The following CERS3 variants were observed in gnomAD, a reference collection of about 807,000 sequenced individuals.
CERS3 encodes LAG1 homolog, ceramide synthase 3.
In CERS3, 33 loss-of-function variants were observed where a neutral mutation model predicts 50.3. The observed-to-expected ratio is 0.66, with a 90% confidence interval of 0.50 to 0.88. CERS3 has a LOEUF of 0.88. Ranked by LOEUF, CERS3 falls within the 40% of genes least tolerant of loss-of-function variation. CERS3 has a pLI of 0.00. For synonymous variants in CERS3, 176 were observed against 155.2 expected, an observed-to-expected ratio of 1.13 and a Z score of -0.99; for missense variants, 470 against 460.3, an observed-to-expected ratio of 1.02 and a Z score of -0.19.
intron 3 of CERS3, among the ~76,000 whole-genome samples, chr15:100,495,134 G>A (rs572155790): frequency 6.6e-6 from 1 of 152,280 alleles, no homozygotes; most frequent in East Asian, 1.9e-4. Context: ...CCATCAGACA[G>A]GTCAGATAGT....
chr15:100,452,823 T>C (rs763592762), intron 11 of CERS3, among the ~76,000 whole-genome samples: 2 of 151,960 alleles, frequency 1.3e-5, no homozygotes, highest in African/African-American at 4.8e-5. Context: ...CACATTACAA[T>C]TGATACCACA....
chr15:100,494,542 CT>C (rs1391907756), intron 3 of CERS3, among the ~76,000 whole-genome samples: 2 of 152,038 alleles, frequency 1.3e-5, no homozygotes, highest in Non-Finnish European at 2.9e-5. Context: ...GCTTAGTCAC[CT>C]TTTTTGAATT....
upstream of CERS3, among the ~76,000 whole-genome samples, chr15:100,531,956 C>T (rs897495475): frequency 2.0e-5 from 3 of 152,036 alleles, no homozygotes; most frequent in Non-Finnish European, 4.4e-5. Flanking sequence ...CATTACAAAG[C>T]GGGTACCGGG....
intron 5 of CERS3, among the ~76,000 whole-genome samples, chr15:100,481,552 C>G (rs186483552): frequency 1.2e-3 from 181 of 152,358 alleles, no homozygotes; most frequent in African/African-American, 4.2e-3. Context: ...GTGTTTATTT[C>G]CCAAGCATCT....
At chr15:100,451,794 G>A (rs2034181510) in intron 11 of CERS3, among the ~76,000 whole-genome samples, 1 of 151,912 alleles carries the variant, frequency 6.6e-6, no homozygotes, top group East Asian at 1.9e-4. Flanking sequence ...AGATAATCCT[G>A]CAAATGGAAA....
intron 11 of CERS3, among the ~76,000 whole-genome samples, chr15:100,427,867 G>T (rs912411068): frequency 1.3e-5 from 2 of 152,182 alleles, no homozygotes; most frequent in African/African-American, 4.8e-5. Context: ...CCACCCCCAG[G>T]ATGGGAACAG....
chr15:100,540,208 T>C (rs1477658985), intron 1 of CERS3, among the ~76,000 whole-genome samples: 1 of 152,194 alleles, frequency 6.6e-6, no homozygotes, highest in East Asian at 1.9e-4. Context: ...TCCCTTGTTA[T>C]CCAAGTCCCA....
chr15:100,506,831 G>A (rs1278668490), intron 2 of CERS3, among the ~76,000 whole-genome samples: 6 of 152,160 alleles, frequency 3.9e-5, no homozygotes, highest in Non-Finnish European at 8.8e-5. Flanking sequence ...TTCTTTTTAA[G>A]GTGGTGAAAA....
rs575024326 is a variant in CERS3 at position 100,425,247 on chromosome 15, C to T, written c.1000-22382G>A. 2.5e-4 allele frequency among the ~76,000 whole-genome samples: 38 copies of T among 152,314 alleles called. 1 individual carries two copies. In the East Asian group the frequency reaches 7.0e-3, roughly 28 times the overall value. ...ACTGAGTGGAGCTGCGAGAAGAGGG[C>T]CACAGTCCCCCAGACCCCAAAATGG... On this transcript the variant is annotated intron_variant, in intron 11 of 11. Transcript: ENST00000679737.
chr15:100,483,781 A>ATTTTTTTTTTTTTTTTTTTT (rs1267906519), intron 5 of CERS3, among the ~76,000 whole-genome samples: 1 of 77,656 alleles, frequency 1.3e-5, no homozygotes, highest in African/African-American at 5.7e-5. Flanking sequence ...AATAATTATT[A>ATTTTTTTTTTTTTTTTTTTT]TTATTATTTT....
intron 2 of CERS3, chr15:100,503,583 G>C (rs957006355): frequency 9.7e-6 from 4 of 411,468 alleles, no homozygotes; most frequent in African/African-American, 8.2e-5. Flanking sequence ...CCCATAGGGT[G>C]TCTTTGTGCT....
intron 11 of CERS3, among the ~76,000 whole-genome samples, chr15:100,428,157 T>C (rs557467687): frequency 2.0e-5 from 3 of 152,232 alleles, no homozygotes; most frequent in Non-Finnish European, 2.9e-5. Flanking sequence ...AACTTTTCAA[T>C]GCAGTTGCCT....
chr15:100,404,174 GCTAA>G lies in CERS3; in HGVS notation c.1000-1313_1000-1310del, dbSNP rs144290902. 6.5e-3 allele frequency among the ~76,000 whole-genome samples: 987 copies of G among 152,288 alleles called. 11 individuals carry two copies. The highest frequency in any genetic ancestry group is 0.022 in the African/African-American group (928 of 41,546). On this transcript the variant is annotated intron_variant, in intron 11 of 11. Coordinates refer to ENST00000679737, the MANE Select transcript of CERS3 (RefSeq NM_001378789.1). ...GTGCTTCTGAAAAGAACACGACCCTGCTAACTGACACCTTGATTTTGGCTCAAAA... is the reference window on the plus strand; with the variant it reads ...GTGCTTCTGAAAAGAACACGACCCTGCTGACACCTTGATTTTGGCTCAAAA...
rs541225020 is a variant in CERS3, at chr15:100,490,630, A to G, written c.288+187T>C. On this transcript the variant is annotated intron_variant, in intron 4 of 11. Transcript: ENST00000679737. ...CTGTTAATATTTGTTATTTTATATTATCATATGTATCACACTTGGGATGTT... is the reference window on the plus strand; with the variant it reads ...CTGTTAATATTTGTTATTTTATATTGTCATATGTATCACACTTGGGATGTT... 1.6e-5 allele frequency: 8 copies of G among 511,534 alleles called. No individual in the cohort carries two copies. The South Asian group carries it at 2.3e-4, about 15-fold the overall frequency. 31.7% of individuals were successfully genotyped at this position (511,534 alleles called of 1,614,324 possible). A position where few individuals can be genotyped will look rare whatever the true frequency, so the allele number is the denominator to read the frequency against.
chr15:100,488,754 G>A (rs1331576954), intron 4 of CERS3, among the ~76,000 whole-genome samples: 1 of 150,662 alleles, frequency 6.6e-6, no homozygotes. Context: ...AATAGATGAA[G>A]CTAACACTTC....
chr15:100,520,861 AGCAT>A (rs1284385692), intron 2 of CERS3, among the ~76,000 whole-genome samples: 1 of 152,208 alleles, frequency 6.6e-6, no homozygotes, highest in Admixed American at 6.5e-5. Flanking sequence ...GGCATCCAGC[AGCAT>A]GAATATCCGG....
intron 1 of CERS3, among the ~76,000 whole-genome samples, chr15:100,535,349 T>C (rs1303776080): frequency 1.3e-5 from 2 of 152,236 alleles, no homozygotes; most frequent in South Asian, 2.1e-4. Flanking sequence ...CATTAACTCA[T>C]TCAGCCAGTA....
chr15:100,470,193 T>C (rs1340541361), intron 9 of CERS3, among the ~76,000 whole-genome samples: 2 of 151,182 alleles, frequency 1.3e-5, no homozygotes, highest in African/African-American at 4.9e-5. Context: ...GAATAGGGAG[T>C]GGGAGTCTGG....
rs2033265936 is a variant in CERS3 at position 100,433,901 on chromosome 15, T to A, written c.999+21992A>T. Among the ~76,000 whole-genome samples the A allele has an allele frequency of 2.0e-5, 3 of 152,260 alleles. No individual in the cohort carries two copies. The South Asian group carries it at 6.2e-4, about 31-fold the overall frequency. On this transcript the variant is annotated intron_variant, in intron 11 of 11. Coordinates refer to ENST00000679737, the MANE Select transcript of CERS3 (RefSeq NM_001378789.1). ...CTGGACAGCCAATACCCTGGGGCCC[T>A]CTTGAGGCCTGGGCTTTCTCCACAT...
Sources: allele counts gnomAD v4.1 joint callset (sites outside exome capture counted in the v4.1 genomes callset), GRCh38; gene constraint gnomAD v4.1.1; transcripts MANE v1.5; gene names NCBI Gene and HGNC (gene_info 2026-07-23, HGNC 2026-07-21).